The following NTRK2 variants were observed in gnomAD, a reference collection of about 807,000 sequenced individuals.
NTRK2 encodes BDNF/NT-3 growth factors receptor.
NTRK2 carries 13 observed loss-of-function variants against 94.5 expected under a neutral mutation model. The ratio of observed to expected loss-of-function variants is 0.14; its 90% CI spans 0.09 to 0.22. NTRK2 has a LOEUF of 0.22. Among genes scored for constraint, NTRK2 ranks in the 10% least tolerant of loss-of-function variants. NTRK2 has a pLI of 1.00. For missense variants in NTRK2, 639 were observed against 1,071.2 expected (o/e 0.60, Z 5.63); for synonymous variants, 372 against 407.4 (o/e 0.91, Z 1.05).
At chr9:84,956,976 T>C (rs1365143268) in intron 17 of NTRK2, among the ~76,000 whole-genome samples, 1 of 152,112 alleles carries the variant, frequency 6.6e-6, no homozygotes, top group African/African-American at 2.4e-5. Context: ...CACTCTTAAC[T>C]TCAGGTGTTC....
intron 2 of NTRK2, among the ~76,000 whole-genome samples, chr9:84,674,046 C>T (rs2058872910): frequency 6.6e-6 from 1 of 152,058 alleles, no homozygotes; most frequent in Non-Finnish European, 1.5e-5. Flanking sequence ...AAGTGCATTG[C>T]AAAGGACAAG....
intron 12 of NTRK2, among the ~76,000 whole-genome samples, chr9:84,830,782 C>T (rs980555855): frequency 6.6e-6 from 1 of 151,944 alleles, no homozygotes; most frequent in Non-Finnish European, 1.5e-5. Flanking sequence ...TACTTCTTCC[C>T]TCAAGTGATT....
chr9:84,926,165 C>CTTGCTTGCTTTCTTT (rs2077786173), intron 14 of NTRK2, among the ~76,000 whole-genome samples: 2 of 48,382 alleles, frequency 4.1e-5, no homozygotes, highest in African/African-American at 1.4e-4. Context: ...TTCCTTCCTT[C>CTTGCTTGCTTTCTTT]CTTCCTTTCT....
chr9:84,915,183 C>A (rs1423890986), intron 14 of NTRK2, among the ~76,000 whole-genome samples: 1 of 152,122 alleles, frequency 6.6e-6, no homozygotes, highest in Non-Finnish European at 1.5e-5. Context: ...TGCTGTGCGG[C>A]CCAGTTCCTA....
rs1187326 is a variant in NTRK2 at position 84,671,000 on chromosome 9, C to T, written c.212+40C>T. On this transcript the variant is annotated intron_variant, in intron 2 of 18. Coordinates refer to ENST00000277120, the MANE Select transcript of NTRK2 (RefSeq NM_006180.6). The stretch of plus-strand genomic sequence containing the variant: ...CTTTTCCTCCTTTTTCTCCTTGCCC[C>T]TAGGGCCCGAGCTGGCCAGGTGGGT... 0.76 allele frequency: 1,208,949 copies of T among 1,590,222 alleles called. 461,132 individuals carry two copies. The highest frequency in any genetic ancestry group is 0.77 in the Non-Finnish European group (903,834 of 1,172,954).
chr9:84,996,360 A>C (rs1347562880), intron 17 of NTRK2, among the ~76,000 whole-genome samples: 4 of 152,256 alleles, frequency 2.6e-5, no homozygotes, highest in Non-Finnish European at 5.9e-5. Flanking sequence ...AAGGCATTTC[A>C]TCAGAGGGAA....
At chr9:84,962,258 A>G (rs1311865462) in intron 17 of NTRK2, among the ~76,000 whole-genome samples, 4 of 152,146 alleles carry the variant, frequency 2.6e-5, no homozygotes, top group African/African-American at 7.2e-5. Context: ...ATCAGCTGTC[A>G]GTGGATGTGC....
intron 12 of NTRK2, among the ~76,000 whole-genome samples, chr9:84,803,447 T>A (rs2070735221): frequency 1.3e-5 from 2 of 152,170 alleles, no homozygotes; most frequent in African/African-American, 4.8e-5. Flanking sequence ...CGGCCCTACC[T>A]TGGTCTGGGA....
At chr9:84,797,610 AAT>A (rs1457336613) in intron 12 of NTRK2, among the ~76,000 whole-genome samples, 8 of 64,488 alleles carry the variant, frequency 1.2e-4, no homozygotes, top group Non-Finnish European at 1.5e-4. Flanking sequence ...TATTATATAT[AAT>A]ATATATACTA....
In NTRK2 at chr9:85,025,869, G is replaced by A; in HGVS notation, c.*4432G>A. On this transcript the variant is annotated 3_prime_UTR_variant, in exon 19 of 19. Coordinates refer to ENST00000277120, the MANE Select transcript of NTRK2 (RefSeq NM_006180.6). ...TGGAATGTGGAGCCTCTGAGGTTGT[G>A]ATAGCTTGTACATGAATTTCAAATG... is the stretch of plus-strand genomic sequence containing the variant. The A allele has an allele frequency of 4.4e-6, 1 of 229,628 alleles. No individual in the cohort carries two copies. 14.2% of individuals were successfully genotyped at this position (229,628 alleles called of 1,614,324 possible). A position where few individuals can be genotyped will look rare whatever the true frequency, so the allele number is the denominator to read the frequency against.
chr9:84,670,748 G>C lies in NTRK2; in HGVS notation c.-1G>C. ...ACTCGGGCTGGCACTGGCTGCTAGG[G>C]ATGTCGTCCTGGATAAGGTGGCATG... is the stretch of plus-strand genomic sequence containing the variant. On this transcript the variant is annotated 5_prime_UTR_variant, in exon 2 of 19. Transcript: ENST00000277120. 1 of 1,612,470 alleles carries C rather than the reference G, an allele frequency of 6.2e-7. No homozygotes were observed. Among genetic ancestry groups the C allele is most frequent in the South Asian group, 1.1e-5 (1 of 91,014 alleles).
intron 14 of NTRK2, among the ~76,000 whole-genome samples, chr9:84,883,049 G>A (rs2076310424): frequency 6.6e-6 from 1 of 152,182 alleles, no homozygotes; most frequent in African/African-American, 2.4e-5. Flanking sequence ...TTACAGGCAT[G>A]AGCCACCACA....
intron 6 of NTRK2, among the ~76,000 whole-genome samples, chr9:84,718,512 T>G (rs970494801): frequency 6.6e-6 from 1 of 152,184 alleles, no homozygotes; most frequent in South Asian, 2.1e-4. Flanking sequence ...TGCTGAGGTC[T>G]ACAGGCCAGT....
Position 85,026,531 on chromosome 9 carries a change from G to T in NTRK2, c.*5094G>T. ...CAGCTGGAAATGTTTTAAATACAAGGTCTTTGAATTAAATGTGGATTTTAA... is the reference window on the plus strand; with the variant it reads ...CAGCTGGAAATGTTTTAAATACAAGTTCTTTGAATTAAATGTGGATTTTAA... On this transcript the variant is annotated 3_prime_UTR_variant, in exon 19 of 19. Transcript: ENST00000277120. 4.3e-6 allele frequency: 1 copy of T among 232,616 alleles called. No individual in the cohort carries two copies. Among genetic ancestry groups the T allele is most frequent in the Non-Finnish European group, 8.5e-6 (1 of 117,678 alleles). 14.4% of individuals were successfully genotyped at this position (232,616 alleles called of 1,614,324 possible). A position where few individuals can be genotyped will look rare whatever the true frequency, so the allele number is the denominator to read the frequency against.
intron 12 of NTRK2, among the ~76,000 whole-genome samples, chr9:84,763,095 A>G (rs1282757345): frequency 1.3e-5 from 2 of 152,128 alleles, no homozygotes; most frequent in African/African-American, 4.8e-5. Context: ...AAATACTGAG[A>G]CTGGCCCCCA....
At chr9:84,821,833 GAGAGA>G in intron 12 of NTRK2, among the ~76,000 whole-genome samples, 1 of 151,952 alleles carries the variant, frequency 6.6e-6, no homozygotes, top group Non-Finnish European at 1.5e-5. Context: ...GAGAGAGAGA[GAGAGA>G]GAGAGAGAGA....
At chr9:85,007,668 C>A (rs1254461794) in intron 17 of NTRK2, among the ~76,000 whole-genome samples, 2 of 152,166 alleles carry the variant, frequency 1.3e-5, no homozygotes, top group South Asian at 4.2e-4. Context: ...ATTCCATAAG[C>A]CCTTGACTGC....
chr9:84,871,928 C>G (rs1237330323), intron 14 of NTRK2: 1 of 1,607,958 alleles, frequency 6.2e-7, no homozygotes, highest in East Asian at 2.2e-5. Context: ...TCTGGCCAGA[C>G]AACATCTTGA....
intron 17 of NTRK2, among the ~76,000 whole-genome samples, chr9:85,016,003 C>T (rs113230040): frequency 6.3e-4 from 96 of 152,316 alleles, no homozygotes; most frequent in African/African-American, 2.2e-3. Flanking sequence ...AGGGGCATTA[C>T]TTGCACTATC....
Sources: allele counts gnomAD v4.1 joint callset (sites outside exome capture counted in the v4.1 genomes callset), GRCh38; gene constraint gnomAD v4.1.1; transcripts MANE v1.5; gene names NCBI Gene and HGNC (gene_info 2026-07-23, HGNC 2026-07-21).